Variants in FBXO22 observed in about 807,000 individuals in gnomAD.
FBXO22 encodes the protein F-box protein 22.
In FBXO22, 13 loss-of-function variants were observed where a neutral mutation model predicts 37.2. That is an observed-to-expected ratio of 0.35 (90% confidence interval 0.23 to 0.56). The LOEUF (loss-of-function observed/expected upper bound fraction) is 0.56, where lower values mean the gene tolerates loss of function less well. FBXO22 is among the 20% of genes least tolerant of loss of function. The pLI, the probability that FBXO22 is intolerant of heterozygous loss-of-function variation, is 0.87. For synonymous variants in FBXO22, 189 were observed against 189.1 expected, an observed-to-expected ratio of 1.00 and a Z score of 0.00; for missense variants, 446 against 509.9, an observed-to-expected ratio of 0.87 and a Z score of 1.21.
intron 4 of FBXO22, among the ~76,000 whole-genome samples, chr15:75,915,627 C>T (rs1183396298): frequency 4.0e-5 from 6 of 151,796 alleles, no homozygotes; most frequent in Admixed American, 1.3e-4. Flanking sequence ...ATTGGCCAGG[C>T]GCAGTGGCTC....
chr15:75,904,000 T>C lies in FBXO22; in HGVS notation c.37T>C (p.Ser13Pro). The C allele has an allele frequency of 6.3e-7, 1 of 1,578,928 alleles. No individual in the cohort carries two copies. The highest frequency in any genetic ancestry group is 8.6e-7 in the Non-Finnish European group (1 of 1,161,742). ...PVGCCGECRGSSVDPRSTFVL... is the reference protein window; with the variant it reads ...PVGCCGECRGPSVDPRSTFVL... Reference sequence around the variant, plus strand: ...AGGCTGCTGCGGCGAGTGCCGCGGCTCCTCCGTAGACCCGCGGAGCACCTT... The same window carrying C: ...AGGCTGCTGCGGCGAGTGCCGCGGCCCCTCCGTAGACCCGCGGAGCACCTT... The change falls in exon 1 of 7, where the codon TCC (serine) becomes CCC (proline). Residue 13 changes from serine to proline, a missense_variant. Transcript: ENST00000308275.
intron 6 of FBXO22, among the ~76,000 whole-genome samples, chr15:75,931,970 T>C (rs1164282029): frequency 6.6e-6 from 1 of 152,202 alleles, no homozygotes; most frequent in Non-Finnish European, 1.5e-5. Context: ...TCCCAGAACT[T>C]TGGGAGGCTG....
rs2030163633 is a variant in FBXO22, at chr15:75,933,945, G to A, written c.*843G>A. The A allele has an allele frequency of 6.5e-6, 1 of 153,628 alleles. No homozygotes were observed. The allele number at this position is 153,628 out of a possible 1,614,324, so 9.5% of individuals were successfully genotyped here. ...GCTAGTCATTCCTGTCATATTCCCA[G>A]TAGAATGATTTTCAAGTTTGAATTT... On this transcript the variant is annotated 3_prime_UTR_variant, in exon 7 of 7. Coordinates refer to ENST00000308275, the MANE Select transcript of FBXO22 (RefSeq NM_147188.3).
intron 1 of FBXO22, 160 bp from the exon 2 acceptor site, chr15:75,904,331 C>T: frequency 8.4e-7 from 1 of 1,192,532 alleles, no homozygotes; most frequent in South Asian, 1.4e-5. Context: ...ATATCTGGCT[C>T]TTCTTCCGAA....
Position 75,942,480 on chromosome 15 carries a change from TC to T in FBXO22, c.*9379del, listed in dbSNP as rs1463556165. 3 of 152,152 alleles carry T rather than the reference TC, an allele frequency of 2.0e-5. No individual in the cohort carries two copies. The highest frequency in any genetic ancestry group is 4.4e-5 in the Non-Finnish European group (3 of 68,034). The allele number at this position is 152,152 out of a possible 1,614,324, so 9.4% of individuals were successfully genotyped here. ...ACTATCTGCTCAGTTTTTCTGAAAA[TC>T]TAAAACTTCTAATAAAGTCTATTAA... is the stretch of plus-strand genomic sequence containing the variant. On this transcript the variant is annotated 3_prime_UTR_variant, in exon 7 of 7. Transcript: ENST00000308275.
rs2030421713 is a variant in FBXO22 at position 75,937,127 on chromosome 15, A to G, written c.*4025A>G. 6.6e-6 allele frequency: 1 copy of G among 151,950 alleles called. No homozygotes were observed. The highest frequency in any genetic ancestry group is 1.5e-5 in the Non-Finnish European group (1 of 67,996). The allele number at this position is 151,950 out of a possible 1,614,324, so 9.4% of individuals were successfully genotyped here. A position where few individuals can be genotyped will look rare whatever the true frequency, so the allele number is the denominator to read the frequency against. On this transcript the variant is annotated 3_prime_UTR_variant, in exon 7 of 7. Transcript: ENST00000308275. Reference sequence around the variant, plus strand: ...AAGGTCTTGTAATAAAATTATAGGGAGGAATAAAACATAATTGACCCCAGC... The same window carrying G: ...AAGGTCTTGTAATAAAATTATAGGGGGGAATAAAACATAATTGACCCCAGC...
chr15:75,932,333 A>G (rs778191823), intron 6 of FBXO22, among the ~76,000 whole-genome samples: 22 of 152,184 alleles, frequency 1.4e-4, no homozygotes, highest in Non-Finnish European at 5.9e-5. Flanking sequence ...TTTAGTGGAT[A>G]TCTTTGTGTA....
At position 75,937,473 on chromosome 15, in the gene FBXO22, C is replaced by T. The variant is rs1281333051; in HGVS notation, c.*4371C>T. 1 of 135,318 alleles carries T rather than the reference C, an allele frequency of 7.4e-6. No individual in the cohort carries two copies. 8.4% of individuals were successfully genotyped at this position (135,318 alleles called of 1,614,324 possible). ...GCAGTGAGCCGAGATCGTGCCACTG[C>T]ACTCCAGCCTGGGCAATGGAGCAAG... On this transcript the variant is annotated 3_prime_UTR_variant, in exon 7 of 7. Transcript: ENST00000308275.
rs926395810 is a variant in FBXO22 at position 75,937,276 on chromosome 15, G to A, written c.*4174G>A. On this transcript the variant is annotated 3_prime_UTR_variant, in exon 7 of 7. Transcript: ENST00000308275. ...TGTAATTCCAGCACTTTGGGAGGCC[G>A]AGATGGGCAGATCACGAGGTCAGGA... The A allele has an allele frequency of 1.3e-5, 2 of 151,486 alleles. No homozygotes were observed. Among genetic ancestry groups the A allele is most frequent in the Non-Finnish European group, 1.5e-5 (1 of 67,874 alleles). 9.4% of individuals were successfully genotyped at this position (151,486 alleles called of 1,614,324 possible).
chr15:75,918,925 A>G (rs1209824755), intron 5 of FBXO22, among the ~76,000 whole-genome samples: 1 of 152,176 alleles, frequency 6.6e-6, no homozygotes, highest in African/African-American at 2.4e-5. Context: ...TCTGTTGTAC[A>G]ACATGGAGAC....
chr15:75,911,919 T>C (rs1464706312), intron 2 of FBXO22, among the ~76,000 whole-genome samples: 1 of 149,614 alleles, frequency 6.7e-6, no homozygotes, highest in African/African-American at 2.5e-5. Context: ...ATAGCTCTTA[T>C]TATTTTGAGA....
chr15:75,938,304 A>G lies in FBXO22; in HGVS notation c.*5202A>G, dbSNP rs1427276111. ...TTTAAAAATAAAAAAACAATGAACCAGAAAACCGTGGGGAAAGGAAAGAAT... is the reference window on the plus strand; with the variant it reads ...TTTAAAAATAAAAAAACAATGAACCGGAAAACCGTGGGGAAAGGAAAGAAT... On this transcript the variant is annotated 3_prime_UTR_variant, in exon 7 of 7. Coordinates refer to ENST00000308275, the MANE Select transcript of FBXO22 (RefSeq NM_147188.3). 2.0e-5 allele frequency: 3 copies of G among 152,228 alleles called. No homozygotes were observed. The highest frequency in any genetic ancestry group is 4.4e-5 in the Non-Finnish European group (3 of 68,034). The allele number at this position is 152,228 out of a possible 1,614,324, so 9.4% of individuals were successfully genotyped here.
chr15:75,927,817 C>G (rs944159498), intron 5 of FBXO22, among the ~76,000 whole-genome samples: 4 of 152,152 alleles, frequency 2.6e-5, no homozygotes, highest in African/African-American at 9.7e-5. Context: ...TCTGCATACC[C>G]TTTGTTTCCT....
chr15:75,914,969 T>C (rs997112429), intron 4 of FBXO22, among the ~76,000 whole-genome samples: 1 of 152,158 alleles, frequency 6.6e-6, no homozygotes, highest in Non-Finnish European at 1.5e-5. Context: ...TTAGCTGTCA[T>C]TTATGTATTG....
intron 5 of FBXO22, among the ~76,000 whole-genome samples, chr15:75,926,666 T>C (rs546512193): frequency 4.2e-4 from 64 of 152,310 alleles, no homozygotes; most frequent in African/African-American, 1.5e-3. Flanking sequence ...GGAAAAACAC[T>C]AGTCACAAAC....
Position 75,904,061 on chromosome 15 carries a change from T to TG in FBXO22, c.99dup (p.Leu34AlafsTer60). The TG allele has an allele frequency of 6.4e-7, 1 of 1,555,654 alleles. No homozygotes were observed. Among genetic ancestry groups the TG allele is most frequent in the Non-Finnish European group, 8.7e-7 (1 of 1,148,790 alleles). On this transcript the variant is annotated frameshift_variant, in exon 1 of 7. Transcript: ENST00000308275. LOFTEE classifies it high-confidence loss of function. ...AACCTGGCGGAGGTGGTGGAGCGTG[T>TG]GCTCACCTTCCTGCCCGCCAAGGCG...
At chr15:75,916,425 T>A (rs996108429) in intron 4 of FBXO22, among the ~76,000 whole-genome samples, 1 of 152,218 alleles carries the variant, frequency 6.6e-6, no homozygotes, top group African/African-American at 2.4e-5. Flanking sequence ...TCATGTGGCC[T>A]TTTCTTCATA....
intron 2 of FBXO22, among the ~76,000 whole-genome samples, chr15:75,906,824 C>G (rs1290572430): frequency 6.6e-6 from 1 of 152,076 alleles, no homozygotes; most frequent in Admixed American, 6.6e-5. Flanking sequence ...CGAAAGTGTT[C>G]TCTGGAGCAT....
At position 75,919,557 on chromosome 15, in the gene FBXO22, C is replaced by T. The variant is rs181609401; in HGVS notation, c.628+2163C>T. Among the ~76,000 whole-genome samples, 502 of 152,314 alleles carry T rather than the reference C, an allele frequency of 3.3e-3. 5 individuals carry two copies. The highest frequency in any genetic ancestry group is 0.011 in the African/African-American group (447 of 41,564). ...AAGTTTTTCAATTTTTCTAAACCTC[C>T]ATTTTCCTCATCTATAAAGTGGAAA... On this transcript the variant is annotated intron_variant, in intron 5 of 6. Coordinates refer to ENST00000308275, the MANE Select transcript of FBXO22 (RefSeq NM_147188.3).
Sources: allele counts gnomAD v4.1 joint callset (sites outside exome capture counted in the v4.1 genomes callset), GRCh38; gene constraint gnomAD v4.1.1; transcripts MANE v1.5; gene names NCBI Gene and HGNC (gene_info 2026-07-23, HGNC 2026-07-21).